Variants in FANCL observed in about 807,000 individuals in gnomAD.
FANCL encodes E3 ubiquitin-protein ligase FANCL.
A neutral mutation model predicts 59.4 loss-of-function variants in FANCL; 69 were observed. The observed-to-expected ratio is 1.16, with a 90% CI of 0.96 to 1.42. The LOEUF is 1.42. Among genes scored for constraint, FANCL ranks in the 40% most tolerant of loss-of-function variants. The pLI, the probability that FANCL is intolerant of heterozygous loss-of-function variation, is 0.00. For missense variants in FANCL, 519 were observed against 447.2 expected, an observed-to-expected ratio of 1.16 and a Z score of -1.45; for synonymous variants, 180 against 147.1, an observed-to-expected ratio of 1.22 and a Z score of -1.62.
chr2:58,193,772 C>G (rs1689165025), intron 7 of FANCL, among the ~76,000 whole-genome samples: 1 of 152,022 alleles, frequency 6.6e-6, no homozygotes, highest in Admixed American at 6.6e-5. Flanking sequence ...GGGGATTTGC[C>G]CCAACACTGT....
rs1236146732 is a variant in FANCL, at chr2:58,163,039, T to C, written c.811A>G (p.Ile271Val). 6.2e-7 allele frequency: 1 copy of C among 1,612,754 alleles called. No homozygotes were observed. Among genetic ancestry groups the C allele is most frequent in the Non-Finnish European group, 8.5e-7 (1 of 1,179,142 alleles). Residue 271 changes from isoleucine to valine, a missense_variant, in exon 10 of 14, where the codon ATA becomes GTA. Ile to Val is a conservative substitution (Grantham distance 29, BLOSUM62 3). Coordinates refer to ENST00000233741, the MANE Select transcript of FANCL (RefSeq NM_018062.4). ...TGCCAAGGTACCTACCACAAATGTA[T>C]GTTCCTGCTCAGCTTAATTCCCAGG... Reference protein sequence around the residue: ...KPLGIKLSRNIHLWDPENSVL... With the variant: ...KPLGIKLSRNVHLWDPENSVL...
intron 7 of FANCL, among the ~76,000 whole-genome samples, chr2:58,179,008 A>C (rs1687652356): frequency 6.6e-6 from 1 of 152,222 alleles, no homozygotes; most frequent in Admixed American, 6.5e-5. Context: ...GAAAATACCT[A>C]GGAATCCAAC....
chr2:58,176,787 A>C (rs867660085), intron 7 of FANCL, among the ~76,000 whole-genome samples: 65 of 152,298 alleles, frequency 4.3e-4, no homozygotes, highest in African/African-American at 1.5e-3. Context: ...AATGGGATCT[A>C]ATTAAACTAA....
chr2:58,195,043 T>C (rs1324847536), intron 7 of FANCL, among the ~76,000 whole-genome samples: 1 of 152,072 alleles, frequency 6.6e-6, no homozygotes, highest in Admixed American at 6.6e-5. Flanking sequence ...TGAAATCTAT[T>C]TACCATCTCT....
At chr2:58,171,903 C>T (rs1235595722) in intron 7 of FANCL, among the ~76,000 whole-genome samples, 1 of 152,218 alleles carries the variant, frequency 6.6e-6, no homozygotes, top group Non-Finnish European at 1.5e-5. Context: ...ACTCCCACCC[C>T]AATACTGCGC....
At chr2:58,171,446 T>C (rs1427080327) in intron 7 of FANCL, among the ~76,000 whole-genome samples, 2 of 152,056 alleles carry the variant, frequency 1.3e-5, no homozygotes, top group Non-Finnish European at 2.9e-5. Context: ...ATTGACACCC[T>C]AACATCACAA....
chr2:58,159,833 G>C (rs1354500464), intron 13 of FANCL, 33 bp from the exon 14 acceptor site: 2 of 1,610,022 alleles, frequency 1.2e-6, no homozygotes, highest in African/African-American at 2.7e-5. Context: ...AACAAAGTTT[G>C]TGGACACTCT....
At chr2:58,228,471 G>C (rs948171757) in intron 3 of FANCL, among the ~76,000 whole-genome samples, 18 of 152,186 alleles carry the variant, frequency 1.2e-4, no homozygotes, top group African/African-American at 4.1e-4. Flanking sequence ...GGAAACTAAA[G>C]TCCAGAGGCC....
At position 58,159,314 on chromosome 2, in the gene FANCL, TAAC is replaced by T. The variant is rs759231330; in HGVS notation, c.*448_*450del. The T allele has an allele frequency of 1.3e-6, 2 of 1,506,606 alleles. No homozygotes were observed. The highest frequency in any genetic ancestry group is 4.2e-5 in the Admixed American group (2 of 47,810). The allele number at this position is 1,506,606 out of a possible 1,614,324, so 93.3% of individuals were successfully genotyped here. A position where few individuals can be genotyped will look rare whatever the true frequency, so the allele number is the denominator to read the frequency against. On this transcript the variant is annotated 3_prime_UTR_variant, in exon 14 of 14. Transcript: ENST00000233741. Reference sequence around the variant, plus strand: ...AATAAATACTTGGATAACTCACGTCTAACAAACTAAACTATATATGTATTTTTT... The same window carrying T: ...AATAAATACTTGGATAACTCACGTCTAAACTAAACTATATATGTATTTTTT...
At chr2:58,214,883 T>A (rs1423291370) in intron 5 of FANCL, among the ~76,000 whole-genome samples, 1 of 152,114 alleles carries the variant, frequency 6.6e-6, no homozygotes, top group Non-Finnish European at 1.5e-5. Context: ...TAAATATTAT[T>A]AGCAGGGTAA....
At chr2:58,215,845 ATAAATCCT>A (rs1325184012) in intron 5 of FANCL, among the ~76,000 whole-genome samples, 1 of 151,960 alleles carries the variant, frequency 6.6e-6, no homozygotes, top group East Asian at 1.9e-4. Context: ...AAAACTTCTG[ATAAATCCT>A]TAAACTGTAG....
At chr2:58,200,520 G>T (rs1400696932) in intron 6 of FANCL, among the ~76,000 whole-genome samples, 5 of 151,972 alleles carry the variant, frequency 3.3e-5, no homozygotes, top group African/African-American at 1.2e-4. Flanking sequence ...TGCTGACAAT[G>T]AACAATATCA....
intron 6 of FANCL, among the ~76,000 whole-genome samples, chr2:58,202,671 A>C (rs1690158682): frequency 6.6e-6 from 1 of 151,926 alleles, no homozygotes; most frequent in Non-Finnish European, 1.5e-5. Flanking sequence ...TAAAAGCATC[A>C]TCTTATCTAC....
intron 5 of FANCL, among the ~76,000 whole-genome samples, chr2:58,210,069 G>A (rs571138645): frequency 2.0e-5 from 3 of 152,124 alleles, no homozygotes; most frequent in Admixed American, 6.5e-5. Flanking sequence ...TGTTTAAAAA[G>A]GACAAAAGTA....
chr2:58,225,710 A>T (rs543832891), intron 4 of FANCL, among the ~76,000 whole-genome samples: 2 of 152,186 alleles, frequency 1.3e-5, no homozygotes, highest in South Asian at 4.1e-4. Context: ...GATTACAAAG[A>T]AAGTAGAATA....
intron 1 of FANCL, among the ~76,000 whole-genome samples, chr2:58,239,601 T>C (rs1316539400): frequency 6.6e-6 from 1 of 152,190 alleles, no homozygotes; most frequent in Admixed American, 6.5e-5. Flanking sequence ...ATGGACTCTA[T>C]CTTAGATAAT....
At chr2:58,215,976 T>A (rs1231301475) in intron 5 of FANCL, among the ~76,000 whole-genome samples, 1 of 152,072 alleles carries the variant, frequency 6.6e-6, no homozygotes, top group Non-Finnish European at 1.5e-5. Flanking sequence ...AGACAAAGTC[T>A]CAGTGAATAC....
At chr2:58,213,532 CA>C (rs1205852355) in intron 5 of FANCL, 1 of 152,076 alleles carries the variant, frequency 6.6e-6, no homozygotes, top group African/African-American at 2.4e-5. Context: ...TATTTTTAAA[CA>C]GTATAAAACA....
intron 7 of FANCL, among the ~76,000 whole-genome samples, chr2:58,186,426 G>T (rs750883890): frequency 5.9e-5 from 9 of 152,156 alleles, no homozygotes; most frequent in Non-Finnish European, 8.8e-5. Context: ...CATGTATGGG[G>T]AAAATTTATT....
Sources: allele counts gnomAD v4.1 joint callset (sites outside exome capture counted in the v4.1 genomes callset), GRCh38; gene constraint gnomAD v4.1.1; transcripts MANE v1.5; gene names NCBI Gene and HGNC (gene_info 2026-07-23, HGNC 2026-07-21).